KBTBD2: variants seen among roughly 807,000 people sequenced by gnomAD.
KBTBD2 encodes the protein kelch repeat and BTB domain containing 2.
In KBTBD2, 17 loss-of-function variants were observed where a neutral mutation model predicts 57.1. The ratio of observed to expected loss-of-function variants is 0.30; its 90% CI spans 0.20 to 0.45. The LOEUF is 0.45. Ranked by LOEUF, KBTBD2 falls within the 20% of genes least tolerant of loss-of-function variation. The pLI is 1.00. For synonymous variants in KBTBD2, 267 were observed against 262.7 expected (o/e 1.02, Z -0.16); for missense variants, 515 against 750.6 (o/e 0.69, Z 3.67).
chr7:32,882,876 C>A (rs1480761970), intron 1 of KBTBD2, among the ~76,000 whole-genome samples: 1 of 151,934 alleles, frequency 6.6e-6, no homozygotes, highest in Non-Finnish European at 1.5e-5. Context: ...TCCCAGCTAC[C>A]CAGGAAGCTG....
At chr7:32,880,899 G>A (rs772561453) in intron 1 of KBTBD2, among the ~76,000 whole-genome samples, 3 of 152,116 alleles carry the variant, frequency 2.0e-5, no homozygotes, top group South Asian at 2.1e-4. Flanking sequence ...TCAGGAGTTC[G>A]AGACCATCCT....
At position 32,883,113 on chromosome 7, in the gene KBTBD2, G is replaced by A. The variant is rs186167700; in HGVS notation, c.-338-3171C>T. Among the ~76,000 whole-genome samples the A allele has an allele frequency of 4.2e-4, 64 of 152,308 alleles. 1 individual carries two copies. The highest frequency in any genetic ancestry group is 1.5e-3 in the African/African-American group (62 of 41,560). ...TGGCCAGGTGTGGTAACTCACGCCTGTAATCCCAGCACTTTGGGAGGCCTA... is the reference window on the plus strand; with the variant it reads ...TGGCCAGGTGTGGTAACTCACGCCTATAATCCCAGCACTTTGGGAGGCCTA... On this transcript the variant is annotated intron_variant, in intron 1 of 3. Transcript: ENST00000304056.
In KBTBD2 at chr7:32,870,383, A is replaced by G. The variant is rs563773187; in HGVS notation, c.834T>C (p.Asn278=). ...AGACAGAAGAGTAAAGACTACAAGGATTTTCTGAAGATGCTTCAATGAAAA... is the reference window on the plus strand; with the variant it reads ...AGACAGAAGAGTAAAGACTACAAGGGTTTTCTGAAGATGCTTCAATGAAAA... ...MMIFIEASSE[N]PCSLYSSVCY... is the part of the protein sequence containing the mutation. Residue 278 remains asparagine (N), a synonymous_variant, in exon 4 of 4, where the codon AAT becomes AAC. Transcript: ENST00000304056. 29 of 1,613,516 alleles carry G rather than the reference A, an allele frequency of 1.8e-5. No homozygotes were observed. The South Asian group carries it at 3.0e-4, about 17-fold the overall frequency.
chr7:32,870,342 G>C lies in KBTBD2; in HGVS notation c.875C>G (p.Ala292Gly). The C allele has an allele frequency of 6.2e-7, 1 of 1,613,602 alleles. No homozygotes were observed. The highest frequency in any genetic ancestry group is 1.1e-5 in the South Asian group (1 of 91,004). The change falls in exon 4 of 4, where the codon GCA becomes GGA. Residue 292 changes from alanine (A) to glycine (G), a missense_variant. Ala to Gly is a moderately conservative substitution (Grantham distance 60). Transcript: ENST00000304056. ...GCTACATAACTTGTAAACTTTTTCTGCTTGGGGGCTGTAACAGACAGAAGA... is the reference window on the plus strand; with the variant it reads ...GCTACATAACTTGTAAACTTTTTCTCCTTGGGGGCTGTAACAGACAGAAGA... ...LYSSVCYSPQ[A>G]EKVYKLCSPP...
chr7:32,878,577 C>T (rs1357491838), intron 2 of KBTBD2, among the ~76,000 whole-genome samples: 2 of 113,002 alleles, frequency 1.8e-5, no homozygotes, highest in African/African-American at 7.8e-5. Context: ...AGAGTGAGAT[C>T]GTCTCAAAAA....
chr7:32,878,101 G>C (rs1430685488), intron 2 of KBTBD2, among the ~76,000 whole-genome samples: 1 of 148,014 alleles, frequency 6.8e-6, no homozygotes, highest in Non-Finnish European at 1.5e-5. Context: ...GACAGATTGC[G>C]ACTGTCTTTA....
At position 32,874,998 on chromosome 7, in the gene KBTBD2, G is replaced by A; in HGVS notation, c.330C>T (p.Phe110=). 6.2e-7 allele frequency: 1 copy of A among 1,613,486 alleles called. No homozygotes were observed. Among genetic ancestry groups the A allele is most frequent in the Non-Finnish European group, 8.5e-7 (1 of 1,179,482 alleles). ...AAAATATATATATGCTTACCTGTAGGAAGCAAGCTGTTTCATAAAGCTGTT... is the reference window on the plus strand; with the variant it reads ...AAAATATATATATGCTTACCTGTAGAAAGCAAGCTGTTTCATAAAGCTGTT... ...TVEQLYETAC[F]LQVEDVLQRC... Residue 110 remains phenylalanine, a synonymous_variant, in exon 3 of 4, where the codon TTC becomes TTT. Transcript: ENST00000304056.
In KBTBD2 at chr7:32,870,095, A is replaced by C; in HGVS notation, c.1122T>G (p.Ser374=). 6.2e-7 allele frequency: 1 copy of C among 1,614,224 alleles called. No homozygotes were observed. The highest frequency in any genetic ancestry group is 8.5e-7 in the Non-Finnish European group (1 of 1,180,026). Residue 374 remains serine (S), a synonymous_variant, in exon 4 of 4, where the codon TCT becomes TCG. Transcript: ENST00000304056. ...TPMLFVRIKP[S]LVCCEGYIYA... is the part of the protein sequence containing the mutation. ...AGATATAGCCTTCACAGCAAACCAA[A>C]GATGGCTTTATGCGGACAAAAAGCA...
chr7:32,884,812 T>C (rs1024619335), intron 1 of KBTBD2, among the ~76,000 whole-genome samples: 1 of 151,914 alleles, frequency 6.6e-6, no homozygotes, highest in Non-Finnish European at 1.5e-5. Context: ...ATCCCAAAGA[T>C]TTAACTCTTG....
In KBTBD2 at chr7:32,885,472, T is replaced by TA. The variant is rs5883374; in HGVS notation, c.-338-5531dup. ...TAGTGTGAGTACCTTTAATTAAGGT[T>TA]AAAAAAAAAAAAAAAGACATCTCTC... is the stretch of plus-strand genomic sequence containing the variant. On this transcript the variant is annotated intron_variant, in intron 1 of 3. Coordinates refer to ENST00000304056, the MANE Select transcript of KBTBD2 (RefSeq NM_015483.3). 1.0e-3 allele frequency among the ~76,000 whole-genome samples: 130 copies of TA among 130,204 alleles called. 1 individual carries two copies. The highest frequency in any genetic ancestry group is 2.6e-3 in the East Asian group (12 of 4,536). 85.4% of individuals were successfully genotyped at this position (130,204 alleles called of 152,430 possible).
chr7:32,878,332 G>A (rs940350004), intron 2 of KBTBD2, among the ~76,000 whole-genome samples: 1 of 152,118 alleles, frequency 6.6e-6, no homozygotes, highest in Non-Finnish European at 1.5e-5. Context: ...TGTAATCCCA[G>A]CACTTCGGGA....
Position 32,879,681 on chromosome 7 carries a change from A to C in KBTBD2, c.-77T>G. 8.3e-7 allele frequency: 1 copy of C among 1,209,678 alleles called. No individual in the cohort carries two copies. Among genetic ancestry groups the C allele is most frequent in the Admixed American group, 2.0e-5 (1 of 49,470 alleles). The allele number at this position is 1,209,678 out of a possible 1,614,324, so 74.9% of individuals were successfully genotyped here. ...TGATGGAAGGTCAAGTGAATACTTC[A>C]GAAATAAAGGAGAACCTACTTGCTG... On this transcript the variant is annotated 5_prime_UTR_variant, in exon 2 of 4. Coordinates refer to ENST00000304056, the MANE Select transcript of KBTBD2 (RefSeq NM_015483.3).
At chr7:32,870,921 G>A (rs754152753) in intron 3 of KBTBD2, 41 bp from the exon 4 acceptor site, 3 of 1,225,768 alleles carry the variant, frequency 2.4e-6, no homozygotes, top group South Asian at 3.1e-5. Flanking sequence ...GATAGGGCCA[G>A]GACAGACACA....
Position 32,868,447 on chromosome 7 carries a change from A to T in KBTBD2, c.*898T>A, listed in dbSNP as rs1406391214. ...AACAGGTTAAAAAAAACACACCCTGACAGCTAACAGATCTATACACAATCA... is the reference window on the plus strand; with the variant it reads ...AACAGGTTAAAAAAAACACACCCTGTCAGCTAACAGATCTATACACAATCA... On this transcript the variant is annotated 3_prime_UTR_variant, in exon 4 of 4. Coordinates refer to ENST00000304056, the MANE Select transcript of KBTBD2 (RefSeq NM_015483.3). 1 of 152,630 alleles carries T rather than the reference A, an allele frequency of 6.6e-6. No individual in the cohort carries two copies. The highest frequency in any genetic ancestry group is 1.5e-5 in the Non-Finnish European group (1 of 68,060). 9.5% of individuals were successfully genotyped at this position (152,630 alleles called of 1,614,324 possible).
chr7:32,881,225 G>C (rs11772197), intron 1 of KBTBD2, among the ~76,000 whole-genome samples: 36 of 151,586 alleles, frequency 2.4e-4, no homozygotes, highest in Non-Finnish European at 2.9e-4. Context: ...AAAAAACCTA[G>C]GCTTTAGTCA....
At position 32,890,405 on chromosome 7, in the gene KBTBD2, GTCC is replaced by G. The variant is rs10554009; in HGVS notation, c.-339+1128_-339+1130del. Among the ~76,000 whole-genome samples the G allele has an allele frequency of 6.0e-3, 918 of 152,216 alleles. 13 individuals are homozygous for G. The highest frequency in any genetic ancestry group is 0.02 in the African/African-American group (837 of 41,518). ...TCAGAAAAAAAAGTCGGGGAAAAAA[GTCC>G]TTATCAAAGGTTAACCAAACTAAGT... On this transcript the variant is annotated intron_variant, in intron 1 of 3. Transcript: ENST00000304056.
intron 1 of KBTBD2, among the ~76,000 whole-genome samples, chr7:32,884,904 C>T (rs1403802493): frequency 6.6e-6 from 1 of 150,428 alleles, no homozygotes; most frequent in East Asian, 1.9e-4. Context: ...AGGTTACAGG[C>T]CACATTTACC....
At chr7:32,873,870 C>T (rs1038740001) in intron 3 of KBTBD2, among the ~76,000 whole-genome samples, 67 of 152,176 alleles carry the variant, frequency 4.4e-4, no homozygotes, top group African/African-American at 1.6e-3. Context: ...ACTTAGTTTA[C>T]TGGGTAATCA....
At position 32,882,440 on chromosome 7, in the gene KBTBD2, G is replaced by A. The variant is rs539214495; in HGVS notation, c.-338-2498C>T. 3.7e-4 allele frequency among the ~76,000 whole-genome samples: 56 copies of A among 152,234 alleles called. 1 individual carries two copies. Among genetic ancestry groups the A allele is most frequent in the Non-Finnish European group, 7.1e-4 (48 of 68,008 alleles). On this transcript the variant is annotated intron_variant, in intron 1 of 3. Coordinates refer to ENST00000304056, the MANE Select transcript of KBTBD2 (RefSeq NM_015483.3). ...TTGGGGAGGCCTCATTTACGACTGG[G>A]TTTTGCCAGATTTGATTTTTTATCG... is the stretch of plus-strand genomic sequence containing the variant.
Sources: allele counts gnomAD v4.1 joint callset (sites outside exome capture counted in the v4.1 genomes callset), GRCh38; gene constraint gnomAD v4.1.1; transcripts MANE v1.5; gene names NCBI Gene and HGNC (gene_info 2026-07-23, HGNC 2026-07-21).